The following HIVEP1 variants were observed in gnomAD, a reference collection of about 807,000 sequenced individuals.
HIVEP1 encodes HIVEP zinc finger 1, also known as zinc finger protein 40.
Under a neutral mutation model 180.0 loss-of-function variants are expected in HIVEP1, and 36 were observed. That is an observed-to-expected ratio of 0.20 (90% CI 0.15 to 0.26). HIVEP1 has a LOEUF of 0.26. Ranked by LOEUF, HIVEP1 falls within the 10% of genes least tolerant of loss-of-function variation. The probability of loss-of-function intolerance (pLI) is 1.00; values close to 1 mark genes in which losing one functional copy is unlikely to be tolerated. For missense variants in HIVEP1, 3,143 were observed against 3,268.7 expected (o/e 0.96, Z 0.94); for synonymous variants, 1,239 against 1,239.0 (o/e 1.00, Z 0.00).
chr6:12,053,325 A>G (rs1770657249), intron 2 of HIVEP1, among the ~76,000 whole-genome samples: 2 of 151,366 alleles, frequency 1.3e-5, no homozygotes, highest in Non-Finnish European at 1.5e-5. Flanking sequence ...CTGACTGTCA[A>G]TTTGTGGTTT....
intron 2 of HIVEP1, chr6:12,037,920 G>A (rs987037402): frequency 1.9e-4 from 74 of 390,046 alleles, no homozygotes; most frequent in African/African-American, 1.4e-3. Flanking sequence ...TCACTTTGTT[G>A]CCCAGACTGG....
At chr6:12,176,957 T>G in the HIVEP1 span, among the ~76,000 whole-genome samples, 3 of 152,178 alleles carry the variant, frequency 2.0e-5, no homozygotes, top group African/African-American at 7.2e-5. Context: ...ATGTGGTACA[T>G]ATACACCATG....
intron 4 of HIVEP1, among the ~76,000 whole-genome samples, chr6:12,127,381 G>T (rs1758148650): frequency 6.6e-6 from 1 of 152,156 alleles, no homozygotes; most frequent in African/African-American, 2.4e-5. Context: ...AAGTTCTCAG[G>T]CTCTAAATCT....
In HIVEP1 at chr6:12,076,421, C is replaced by T. The variant is rs568591459; in HGVS notation, c.41-12763C>T. The stretch of plus-strand genomic sequence containing the variant: ...GAGATGCTGTTTTAGTCTGTTTGTG[C>T]TTGCTGTAACAAAACACCTGAGACT... On this transcript the variant is annotated intron_variant, in intron 2 of 8. Transcript: ENST00000379388. 7.9e-5 allele frequency among the ~76,000 whole-genome samples: 12 copies of T among 152,262 alleles called. No individual in the cohort carries two copies. In the South Asian group the frequency reaches 2.5e-3, roughly 32 times the overall value.
downstream of HIVEP1, among the ~76,000 whole-genome samples, chr6:12,165,986 C>T (rs940388278): frequency 6.6e-6 from 1 of 152,194 alleles, no homozygotes; most frequent in South Asian, 2.1e-4. Context: ...ATGAATGCTT[C>T]AATTTACATT....
At chr6:12,084,760 G>A (rs955778507) in intron 2 of HIVEP1, among the ~76,000 whole-genome samples, 5 of 152,104 alleles carry the variant, frequency 3.3e-5, no homozygotes, top group Admixed American at 6.6e-5. Flanking sequence ...TGTTACCAAT[G>A]TGAGTTTTGA....
At chr6:12,186,989 C>A in the HIVEP1 span, among the ~76,000 whole-genome samples, 1 of 151,636 alleles carries the variant, frequency 6.6e-6, no homozygotes, top group Non-Finnish European at 1.5e-5. Context: ...ATGAAAAATT[C>A]ACTGGATGGG....
chr6:12,037,966 T>C, intron 2 of HIVEP1: 1 of 386,694 alleles, frequency 2.6e-6, no homozygotes, highest in Non-Finnish European at 4.6e-6. Context: ...CCTCCTGTGT[T>C]GGCCCCCCAA....
At chr6:12,129,993 T>A (rs1334982602) in intron 5 of HIVEP1, 101 bp downstream of exon 5, 1 of 744,728 alleles carries the variant, frequency 1.3e-6, no homozygotes, top group Admixed American at 2.6e-5. Context: ...TTAGTATCGA[T>A]GTTGCAAGGT....
chr6:12,116,456 G>T (rs1441809546), intron 3 of HIVEP1, among the ~76,000 whole-genome samples: 1 of 151,960 alleles, frequency 6.6e-6, no homozygotes, highest in African/African-American at 2.4e-5. Context: ...CCTCTAAAAT[G>T]ATAGTGCAGT....
chr6:12,172,249 G>A, the HIVEP1 span, among the ~76,000 whole-genome samples: 6 of 152,212 alleles, frequency 3.9e-5, no homozygotes, highest in Non-Finnish European at 7.3e-5. Context: ...TCATGCCTGA[G>A]GTGTACATTA....
chr6:12,193,036 T>C, the HIVEP1 span, among the ~76,000 whole-genome samples: 274 of 152,238 alleles, frequency 1.8e-3, no homozygotes, highest in African/African-American at 6.1e-3. Context: ...ATAATAATAG[T>C]GGTAATTTTA....
the HIVEP1 span, among the ~76,000 whole-genome samples, chr6:12,184,018 TAGATAGACAGACAGACAGAC>T: frequency 1.0e-3 from 134 of 130,024 alleles, no homozygotes; most frequent in African/African-American, 3.6e-3. Flanking sequence ...GATAGATAGA[TAGATAGACAGACAGACAGAC>T]AGACAGACAG....
intron 3 of HIVEP1, among the ~76,000 whole-genome samples, chr6:12,109,406 A>G (rs1182333830): frequency 1.3e-5 from 2 of 152,232 alleles, no homozygotes; most frequent in African/African-American, 2.4e-5. Context: ...ACTTCTTTCA[A>G]AATTGGAGTC....
At chr6:12,050,076 T>C (rs535231047) in intron 2 of HIVEP1, among the ~76,000 whole-genome samples, 67 of 152,296 alleles carry the variant, frequency 4.4e-4, no homozygotes, top group Middle Eastern at 6.8e-3. Context: ...GCTTTGTCCA[T>C]GACTCTCTAA....
chr6:12,194,130 T>A, the HIVEP1 span, among the ~76,000 whole-genome samples: 2 of 152,144 alleles, frequency 1.3e-5, no homozygotes, highest in Non-Finnish European at 2.9e-5. Context: ...ATTAATGATG[T>A]TTATTGATTA....
chr6:12,051,130 C>G (rs1770513783), intron 2 of HIVEP1, among the ~76,000 whole-genome samples: 1 of 150,356 alleles, frequency 6.7e-6, no homozygotes. Flanking sequence ...GCTTGTACTC[C>G]TGGAATGGCA....
At chr6:12,008,254 A>G (rs1486742874), upstream of HIVEP1, 1 of 152,204 alleles carries the variant, frequency 6.6e-6, no homozygotes, top group Admixed American at 6.5e-5. Context: ...TGTTGCCTTT[A>G]GATTTTTATT....
In HIVEP1 at chr6:12,074,619, A is replaced by ATGTGT. The variant is rs1554139006; in HGVS notation, c.41-14565_41-14564insTGTGT. On this transcript the variant is annotated intron_variant, in intron 2 of 8. Transcript: ENST00000379388. ...GCTGCAGTCCTTAATTGTATGAAAA[A>ATGTGT]GTGTGTGTGTGTGTGTGTGTGTGTG... Among the ~76,000 whole-genome samples the ATGTGT allele has an allele frequency of 4.7e-3, 649 of 138,874 alleles. 3 individuals carry two copies. The highest frequency in any genetic ancestry group is 0.014 in the African/African-American group (537 of 39,104). 91.1% of individuals were successfully genotyped at this position (138,874 alleles called of 152,430 possible).
Sources: allele counts gnomAD v4.1 joint callset (sites outside exome capture counted in the v4.1 genomes callset), GRCh38; gene constraint gnomAD v4.1.1; transcripts MANE v1.5; gene names NCBI Gene and HGNC (gene_info 2026-07-23, HGNC 2026-07-21).